Variants in SRGAP1 observed in about 807,000 individuals in gnomAD.
SRGAP1 encodes the protein SLIT-ROBO Rho GTPase activating protein 1.
In SRGAP1, 43 loss-of-function variants were observed where a neutral mutation model predicts 121.9. The observed-to-expected ratio is 0.35, with a 90% CI of 0.28 to 0.46. SRGAP1 has a LOEUF of 0.46. Ranked by LOEUF, SRGAP1 falls within the 20% of genes least tolerant of loss-of-function variation. The pLI is 1.00. For missense variants in SRGAP1, 1,102 were observed against 1,350.9 expected (o/e 0.82, Z 2.89); for synonymous variants, 447 against 485.4 (o/e 0.92, Z 1.04).
chr12:63,917,340 A>G (rs1319620509), intron 1 of SRGAP1, among the ~76,000 whole-genome samples: 1 of 152,214 alleles, frequency 6.6e-6, no homozygotes, highest in Non-Finnish European at 1.5e-5. Flanking sequence ...AAAGACTCCC[A>G]GAAAGACCTA....
At chr12:63,860,112 C>T (rs1899396179) in intron 1 of SRGAP1, among the ~76,000 whole-genome samples, 1 of 151,946 alleles carries the variant, frequency 6.6e-6, no homozygotes, top group African/African-American at 2.4e-5. Context: ...CTCAAGCAGT[C>T]CTCCCACCTC....
intron 3 of SRGAP1, among the ~76,000 whole-genome samples, chr12:64,005,665 A>G (rs1307461466): frequency 6.6e-6 from 1 of 151,510 alleles, no homozygotes. Context: ...AATAAAAATA[A>G]AAAAAAGTTT....
intron 1 of SRGAP1, among the ~76,000 whole-genome samples, chr12:63,978,863 C>G (rs1282433978): frequency 6.6e-6 from 1 of 152,068 alleles, no homozygotes; most frequent in Non-Finnish European, 1.5e-5. Flanking sequence ...TCTTCCAACA[C>G]TTTTTTTAAA....
intron 1 of SRGAP1, among the ~76,000 whole-genome samples, chr12:63,861,339 G>T (rs1899444693): frequency 7.1e-6 from 1 of 141,658 alleles, no homozygotes; most frequent in South Asian, 2.3e-4. Context: ...TTGCTCTGTT[G>T]CCCAGGCTGG....
Position 64,042,779 on chromosome 12 carries a change from C to T in SRGAP1, c.490-11C>T. ...AGACATCTTGTAACAATTTGGGTCACTTTTCCACAGGTGATGAAAACATAC... is the reference window on the plus strand; with the variant it reads ...AGACATCTTGTAACAATTTGGGTCATTTTTCCACAGGTGATGAAAACATAC... On this transcript the variant is annotated splice_polypyrimidine_tract_variant and intron_variant, in intron 4 of 21. Coordinates refer to ENST00000355086, the MANE Select transcript of SRGAP1 (RefSeq NM_020762.4). 1 of 1,610,352 alleles carries T rather than the reference C, an allele frequency of 6.2e-7. No individual in the cohort carries two copies. Among genetic ancestry groups the T allele is most frequent in the Non-Finnish European group, 8.5e-7 (1 of 1,177,786 alleles).
chr12:63,912,794 A>T (rs1392742792), intron 1 of SRGAP1, among the ~76,000 whole-genome samples: 1 of 152,236 alleles, frequency 6.6e-6, no homozygotes, highest in African/African-American at 2.4e-5. Flanking sequence ...CCAACATTTT[A>T]GAGGTAGTTC....
intron 1 of SRGAP1, among the ~76,000 whole-genome samples, chr12:63,905,033 C>A (rs1158682341): frequency 1.3e-5 from 2 of 152,112 alleles, no homozygotes; most frequent in Admixed American, 1.3e-4. Context: ...CAACCAACTT[C>A]TTTTATATCT....
chr12:63,978,669 C>T (rs1242643004), intron 1 of SRGAP1, among the ~76,000 whole-genome samples: 1 of 124,850 alleles, frequency 8.0e-6, no homozygotes, highest in Non-Finnish European at 1.7e-5. Context: ...CACACATTCA[C>T]GTGCAAGTTT....
intron 3 of SRGAP1, among the ~76,000 whole-genome samples, chr12:64,016,613 A>G (rs2034409230): frequency 1.3e-5 from 2 of 152,234 alleles, no homozygotes; most frequent in South Asian, 2.1e-4. Flanking sequence ...GTAAAATGTC[A>G]TGATCTAGTT....
At chr12:63,846,446 C>T (rs1898905045) in intron 1 of SRGAP1, among the ~76,000 whole-genome samples, 1 of 152,152 alleles carries the variant, frequency 6.6e-6, no homozygotes, top group Non-Finnish European at 1.5e-5. Flanking sequence ...GCCTAGAGCA[C>T]TAATTGGCAA....
At chr12:63,964,317 A>T (rs906878036) in intron 1 of SRGAP1, among the ~76,000 whole-genome samples, 16 of 152,354 alleles carry the variant, frequency 1.1e-4, no homozygotes, top group Non-Finnish European at 7.3e-5. Context: ...TGTTATTACT[A>T]TTATTAGATA....
At chr12:63,884,392 G>A (rs2136289599) in intron 1 of SRGAP1, among the ~76,000 whole-genome samples, 1 of 152,204 alleles carries the variant, frequency 6.6e-6, no homozygotes, top group Middle Eastern at 3.4e-3. Flanking sequence ...TTTAAATTTT[G>A]TATATTTTTA....
chr12:64,038,779 G>A (rs2034951158), intron 4 of SRGAP1: 1 of 152,118 alleles, frequency 6.6e-6, no homozygotes, highest in Non-Finnish European at 1.5e-5. Context: ...AGATAAATTA[G>A]GTGTATTGAA....
intron 1 of SRGAP1, among the ~76,000 whole-genome samples, chr12:63,887,139 G>A (rs977084025): frequency 6.6e-6 from 1 of 152,156 alleles, no homozygotes; most frequent in Non-Finnish European, 1.5e-5. Flanking sequence ...CTCCCAAAGT[G>A]CTGGGATTAC....
chr12:63,985,304 T>C (rs1011374627), intron 2 of SRGAP1, among the ~76,000 whole-genome samples: 9 of 152,142 alleles, frequency 5.9e-5, no homozygotes, highest in African/African-American at 1.9e-4. Flanking sequence ...GGCTAAGGGA[T>C]GTACAGCAGG....
rs2034463769 is a variant in SRGAP1 at position 64,018,392 on chromosome 12, G to A, written c.489+1380G>A. Among the ~76,000 whole-genome samples the A allele has an allele frequency of 6.6e-5, 10 of 152,050 alleles. No individual in the cohort carries two copies. The South Asian group carries it at 2.1e-3, about 32-fold the overall frequency. On this transcript the variant is annotated intron_variant, in intron 4 of 21. Coordinates refer to ENST00000355086, the MANE Select transcript of SRGAP1 (RefSeq NM_020762.4). ...AGGCATGAGCCACCGAGCCTGGCCT[G>A]AATTGTTTTTTTATAGGCAAACTAA... is the stretch of plus-strand genomic sequence containing the variant.
At chr12:63,860,534 G>GA (rs905154657) in intron 1 of SRGAP1, among the ~76,000 whole-genome samples, 3 of 152,054 alleles carry the variant, frequency 2.0e-5, no homozygotes, top group African/African-American at 4.8e-5. Context: ...TCATCAAGGA[G>GA]AAAAAAATCT....
chr12:63,959,199 T>G (rs1234242146), intron 1 of SRGAP1, among the ~76,000 whole-genome samples: 2 of 152,158 alleles, frequency 1.3e-5, no homozygotes, highest in Non-Finnish European at 2.9e-5. Flanking sequence ...TTTTAAAAAG[T>G]TACTGAATTT....
chr12:63,916,346 C>G (rs1476816266), intron 1 of SRGAP1, among the ~76,000 whole-genome samples: 1 of 152,148 alleles, frequency 6.6e-6, no homozygotes, highest in Non-Finnish European at 1.5e-5. Context: ...TTTATAATTC[C>G]TTCATTACAA....
Sources: gnomAD v4.1 joint callset for allele counts (sites outside exome capture counted in the v4.1 genomes callset) on GRCh38, gnomAD v4.1.1 for gene constraint, MANE v1.5 for transcripts, NCBI Gene and HGNC (gene_info 2026-07-23, HGNC 2026-07-21) for gene names.